SFRP1: variants seen among roughly 807,000 people sequenced by gnomAD.
SFRP1 encodes secreted frizzled-related protein 1.
A neutral mutation model predicts 25.9 loss-of-function variants in SFRP1; 9 were observed. The ratio of observed to expected loss-of-function variants is 0.35; its 90% CI spans 0.21 to 0.61. The LOEUF (loss-of-function observed/expected upper bound fraction) is 0.61. Ranked by LOEUF, SFRP1 falls within the 20% of genes least tolerant of loss-of-function variation. The probability of loss-of-function intolerance (pLI) is 0.78; values close to 1 mark genes in which losing one functional copy is unlikely to be tolerated. For synonymous variants in SFRP1, 178 were observed against 174.0 expected (o/e 1.02, Z -0.18); for missense variants, 346 against 418.2 (o/e 0.83, Z 1.51).
Position 41,309,213 on chromosome 8 carries a change from C to T in SFRP1, c.-54G>A, listed in dbSNP as rs565099689. 1.1e-5 allele frequency: 14 copies of T among 1,265,788 alleles called. No individual in the cohort carries two copies. The African/African-American group carries it at 1.9e-4, about 17-fold the overall frequency. The allele number at this position is 1,265,788 out of a possible 1,614,324, so 78.4% of individuals were successfully genotyped here. A position where few individuals can be genotyped will look rare whatever the true frequency, so the allele number is the denominator to read the frequency against. On this transcript the variant is annotated 5_prime_UTR_variant, in exon 1 of 3. Transcript: ENST00000220772. ...GTCGGGGCTGCCTCCGCCGCCTCCC[C>T]GCGCGCGTCCTGCCGCAAACTTCCA...
chr8:41,270,685 C>T (rs1803492711), intron 2 of SFRP1, among the ~76,000 whole-genome samples: 1 of 151,984 alleles, frequency 6.6e-6, no homozygotes, highest in African/African-American at 2.4e-5. Context: ...GGCTTCATTC[C>T]ATACAGAAGG....
intron 2 of SFRP1, among the ~76,000 whole-genome samples, chr8:41,291,035 T>C (rs1336218463): frequency 6.6e-6 from 1 of 150,894 alleles, no homozygotes; most frequent in Non-Finnish European, 1.5e-5. Context: ...GCCTCCTGAG[T>C]AGCTGGGACT....
At chr8:41,271,639 A>G (rs563176990) in intron 2 of SFRP1, 2 of 152,244 alleles carry the variant, frequency 1.3e-5, no homozygotes, top group East Asian at 1.9e-4. Flanking sequence ...CTCTCTGTAC[A>G]TAAAATAAAA....
At chr8:41,303,767 C>G (rs1221598494) in intron 1 of SFRP1, among the ~76,000 whole-genome samples, 1 of 152,182 alleles carries the variant, frequency 6.6e-6, no homozygotes, top group African/African-American at 2.4e-5. Context: ...AAATGTGACA[C>G]AGTTATTTAA....
chr8:41,263,703 T>A lies in SFRP1; in HGVS notation c.*1464A>T, dbSNP rs1803400997. On this transcript the variant is annotated 3_prime_UTR_variant, in exon 3 of 3. Transcript: ENST00000220772. ...GACAAGAAGGGTAAAGTTGTCTAAGTGAACTGGCTTATATACATCGCTGAT... is the reference window on the plus strand; with the variant it reads ...GACAAGAAGGGTAAAGTTGTCTAAGAGAACTGGCTTATATACATCGCTGAT... 6.6e-6 allele frequency: 1 copy of A among 152,202 alleles called. No homozygotes were observed. Among genetic ancestry groups the A allele is most frequent in the South Asian group, 2.1e-4 (1 of 4,832 alleles). The allele number at this position is 152,202 out of a possible 1,614,324, so 9.4% of individuals were successfully genotyped here.
At chr8:41,276,519 T>C (rs747877377) in intron 2 of SFRP1, among the ~76,000 whole-genome samples, 1 of 152,182 alleles carries the variant, frequency 6.6e-6, no homozygotes, top group Non-Finnish European at 1.5e-5. Context: ...TTAATTCGTT[T>C]AGCAGAGAAA....
At chr8:41,281,030 G>C (rs1803629175) in intron 2 of SFRP1, among the ~76,000 whole-genome samples, 1 of 152,246 alleles carries the variant, frequency 6.6e-6, no homozygotes, top group East Asian at 1.9e-4. Flanking sequence ...TGGGGGCCAA[G>C]GCTGAGCCCT....
intron 2 of SFRP1, among the ~76,000 whole-genome samples, chr8:41,297,506 T>A (rs1803858501): frequency 6.6e-6 from 1 of 152,208 alleles, no homozygotes; most frequent in Admixed American, 6.5e-5. Context: ...CTTCCTAGGC[T>A]AAATTTCATC....
At chr8:41,305,595 G>A (rs537832709) in intron 1 of SFRP1, among the ~76,000 whole-genome samples, 1 of 152,320 alleles carries the variant, frequency 6.6e-6, no homozygotes, top group East Asian at 1.9e-4. Flanking sequence ...GCCTCTGCAG[G>A]AGAAATCCAC....
chr8:41,269,419 G>A (rs776389924), intron 2 of SFRP1, among the ~76,000 whole-genome samples: 2 of 152,038 alleles, frequency 1.3e-5, no homozygotes, highest in Admixed American at 6.5e-5. Flanking sequence ...GGTCTTTCTC[G>A]GGAAATCTTA....
Position 41,265,279 on chromosome 8 carries a change from T to C in SFRP1, c.833A>G (p.Gln278Arg). The change falls in exon 3 of 3, where the codon CAG becomes CGG. Residue 278 changes from glutamine (Q) to arginine (R), a missense_variant. Physicochemically the swap from Gln to Arg is conservative, Grantham distance 43 (BLOSUM62 1). Coordinates refer to ENST00000220772, the MANE Select transcript of SFRP1 (RefSeq NM_003012.5). The part of the protein sequence containing the change: ...FLIMGRKVKS[Q>R]YLLTAIHKWD... ...CTTGTGGATGGCCGTCAGCAAGTAC[T>C]GGCTCTTCACCTTGCGGCCCATGAT... 4 of 1,614,170 alleles carry C rather than the reference T, an allele frequency of 2.5e-6. No individual in the cohort carries two copies. In the South Asian group the frequency reaches 4.4e-5, roughly 18 times the overall value.
chr8:41,307,120 C>A, intron 1 of SFRP1: 1 of 935,904 alleles, frequency 1.1e-6, no homozygotes, highest in Non-Finnish European at 1.5e-6. Context: ...GAAATTCCCG[C>A]AGGCTGCAGG....
rs1425481734 is a variant in SFRP1 at position 41,299,590 on chromosome 8, C to CG, written c.622+3870dup. 1.5e-5 allele frequency among the ~76,000 whole-genome samples: 2 copies of CG among 129,288 alleles called. 1 individual carries two copies. Among genetic ancestry groups the CG allele is most frequent in the Non-Finnish European group, 3.2e-5 (2 of 62,796 alleles). 84.8% of individuals were successfully genotyped at this position (129,288 alleles called of 152,430 possible). A position where few individuals can be genotyped will look rare whatever the true frequency, so the allele number is the denominator to read the frequency against. On this transcript the variant is annotated intron_variant, in intron 2 of 2. Transcript: ENST00000220772. ...CCAAGGTAGGGGGATCGCTTGAGCCCGGGGGGCGGAGATTGCAGTGAACTG... is the reference window on the plus strand; with the variant it reads ...CCAAGGTAGGGGGATCGCTTGAGCCCGGGGGGGCGGAGATTGCAGTGAACTG...
chr8:41,266,875 G>T (rs939892035), intron 2 of SFRP1, among the ~76,000 whole-genome samples: 2 of 152,190 alleles, frequency 1.3e-5, no homozygotes, highest in Non-Finnish European at 2.9e-5. Flanking sequence ...AAAGTTAAAG[G>T]TTGTTTCAAA....
rs541056477 is a variant in SFRP1 at position 41,265,014 on chromosome 8, G to A, written c.*153C>T. 9.3e-4 allele frequency: 578 copies of A among 619,782 alleles called. 9 individuals carry two copies. In the South Asian group the frequency reaches 0.011, roughly 12 times the overall value. The allele number at this position is 619,782 out of a possible 1,614,324, so 38.4% of individuals were successfully genotyped here. ...TTTGGAGCGTGGCTATGGAGGGAAG[G>A]GAGCGGGAATGCTGCAAGAACAAGC... On this transcript the variant is annotated 3_prime_UTR_variant, in exon 3 of 3. Coordinates refer to ENST00000220772, the MANE Select transcript of SFRP1 (RefSeq NM_003012.5).
chr8:41,273,428 G>C (rs1408863437), intron 2 of SFRP1, among the ~76,000 whole-genome samples: 2 of 151,980 alleles, frequency 1.3e-5, no homozygotes, highest in African/African-American at 4.8e-5. Context: ...GGAGGCAGAG[G>C]CTGCAGTGAG....
At chr8:41,285,495 C>T (rs1803687418) in intron 2 of SFRP1, among the ~76,000 whole-genome samples, 1 of 152,220 alleles carries the variant, frequency 6.6e-6, no homozygotes, top group South Asian at 2.1e-4. Context: ...AGAACTAAGC[C>T]CCACTCCAGG....
intron 1 of SFRP1, among the ~76,000 whole-genome samples, chr8:41,305,440 C>T (rs1803980736): frequency 1.3e-5 from 2 of 152,166 alleles, no homozygotes; most frequent in Non-Finnish European, 2.9e-5. Flanking sequence ...TTGGGGTGGG[C>T]TCTGTGTGTT....
intron 2 of SFRP1, among the ~76,000 whole-genome samples, chr8:41,293,205 C>T (rs1276395378): frequency 2.0e-5 from 3 of 152,216 alleles, no homozygotes; most frequent in Non-Finnish European, 4.4e-5. Context: ...ACCCCTGAAA[C>T]ACATGGGCCA....
Sources: gnomAD v4.1 joint callset for allele counts (sites outside exome capture counted in the v4.1 genomes callset) on GRCh38, gnomAD v4.1.1 for gene constraint, MANE v1.5 for transcripts, NCBI Gene and HGNC (gene_info 2026-07-23, HGNC 2026-07-21) for gene names.